Variants in HHAT observed in about 807,000 individuals in gnomAD.
HHAT encodes the protein hedgehog acyltransferase.
In HHAT, 47 loss-of-function variants were observed where a neutral mutation model predicts 70.8. The observed-to-expected ratio is 0.66, with a 90% CI of 0.53 to 0.85. The LOEUF (loss-of-function observed/expected upper bound fraction) is 0.85. Among genes scored for constraint, HHAT ranks in the 40% least tolerant of loss-of-function variants. HHAT has a pLI of 0.00. For missense variants in HHAT, 609 were observed against 604.8 expected (o/e 1.01, Z -0.07); for synonymous variants, 228 against 247.6 (o/e 0.92, Z 0.74).
chr1:210,338,633 A>G (rs189400707), intron 1 of HHAT, among the ~76,000 whole-genome samples: 3 of 152,294 alleles, frequency 2.0e-5, no homozygotes, highest in African/African-American at 7.2e-5. Flanking sequence ...ACTGTGTTTT[A>G]CAGATAAGGA....
At chr1:210,666,459 G>A (rs1185887703) in intron 11 of HHAT, among the ~76,000 whole-genome samples, 6 of 152,224 alleles carry the variant, frequency 3.9e-5, no homozygotes, top group African/African-American at 1.4e-4. Context: ...ATGAAGGACC[G>A]AAGGTCCATC....
chr1:210,661,450 G>A (rs955022942), intron 11 of HHAT, among the ~76,000 whole-genome samples: 1 of 152,198 alleles, frequency 6.6e-6, no homozygotes, highest in Non-Finnish European at 1.5e-5. Context: ...TACACTTTTG[G>A]TGGGAGTGTA....
At chr1:210,668,242 G>A (rs753371968) in intron 11 of HHAT, among the ~76,000 whole-genome samples, 24 of 152,052 alleles carry the variant, frequency 1.6e-4, no homozygotes, top group Admixed American at 7.2e-4. Context: ...TCCACCTTTT[G>A]GCCGTTGTGA....
At chr1:210,527,574 C>T (rs1309754565) in intron 9 of HHAT, among the ~76,000 whole-genome samples, 1 of 152,138 alleles carries the variant, frequency 6.6e-6, no homozygotes, top group Non-Finnish European at 1.5e-5. Context: ...TCTTAGCAGA[C>T]TGAGTGGCAA....
chr1:210,432,937 T>C (rs2093286346), intron 7 of HHAT, among the ~76,000 whole-genome samples: 1 of 151,776 alleles, frequency 6.6e-6, no homozygotes, highest in South Asian at 2.1e-4. Flanking sequence ...AATACAGAGA[T>C]ACTGTAATTT....
intron 9 of HHAT, among the ~76,000 whole-genome samples, chr1:210,536,392 G>T (rs919585650): frequency 6.6e-6 from 1 of 152,234 alleles, no homozygotes; most frequent in Non-Finnish European, 1.5e-5. Flanking sequence ...AATGCAGCCA[G>T]TTCCCTACAG....
chr1:210,464,543 A>C lies in HHAT; in HGVS notation c.895A>C (p.Lys299Gln), dbSNP rs144173927. ...AGCCCAGGTGCTCTTTTTCTACGTG[A>C]AGTACTTGGTGCTCTTTGGCGTGCC... is the stretch of plus-strand genomic sequence containing the variant. ...ALAQVLFFYV[K>Q]YLVLFGVPAL... Residue 299 changes from lysine to glutamine, a missense_variant, in exon 8 of 12, where the codon AAG (lysine) becomes CAG (glutamine). By Grantham distance (53) the Lys-to-Gln change is moderately conservative (BLOSUM62 1). Transcript: ENST00000261458. 7 of 1,613,936 alleles carry C rather than the reference A, an allele frequency of 4.3e-6. No homozygotes were observed. The highest frequency in any genetic ancestry group is 5.9e-6 in the Non-Finnish European group (7 of 1,180,006).
At chr1:210,640,028 G>A (rs1049091867) in intron 11 of HHAT, among the ~76,000 whole-genome samples, 1 of 152,174 alleles carries the variant, frequency 6.6e-6, no homozygotes, top group Non-Finnish European at 1.5e-5. Flanking sequence ...ATCTGTTAAT[G>A]CCAGCATTAG....
intron 9 of HHAT, among the ~76,000 whole-genome samples, chr1:210,566,002 G>A (rs1036199804): frequency 3.9e-5 from 6 of 152,210 alleles, no homozygotes; most frequent in East Asian, 1.9e-4. Flanking sequence ...TCTGGACCTC[G>A]TGCTGTCATC....
At chr1:210,405,716 C>CAT (rs1225216957) in intron 6 of HHAT, among the ~76,000 whole-genome samples, 1 of 152,134 alleles carries the variant, frequency 6.6e-6, no homozygotes, top group Non-Finnish European at 1.5e-5. Flanking sequence ...ATAACAATAA[C>CAT]ATAATGTTCT....
At chr1:210,414,329 T>G (rs1470931789) in intron 6 of HHAT, among the ~76,000 whole-genome samples, 6 of 152,206 alleles carry the variant, frequency 3.9e-5, no homozygotes, top group Non-Finnish European at 8.8e-5. Context: ...GATTTCAACA[T>G]ATGAATTTTA....
chr1:210,335,464 A>G (rs1213255777), intron 1 of HHAT, among the ~76,000 whole-genome samples: 6 of 152,336 alleles, frequency 3.9e-5, no homozygotes, highest in Middle Eastern at 3.4e-3. Context: ...AAAATAGGTG[A>G]TAAGCAGATT....
At chr1:210,327,794 C>T (rs1031442948), upstream of HHAT, among the ~76,000 whole-genome samples, 2 of 152,136 alleles carry the variant, frequency 1.3e-5, no homozygotes, top group Non-Finnish European at 2.9e-5. Flanking sequence ...CGTGGGCCAC[C>T]GCGCCCAGCC....
intron 7 of HHAT, among the ~76,000 whole-genome samples, chr1:210,444,714 A>G (rs944754859): frequency 3.3e-5 from 5 of 152,082 alleles, no homozygotes; most frequent in South Asian, 2.1e-4. Flanking sequence ...GGGTGTCACT[A>G]TTTTGCCCAG....
chr1:210,563,446 A>G (rs1283549848), intron 9 of HHAT, among the ~76,000 whole-genome samples: 1 of 152,124 alleles, frequency 6.6e-6, no homozygotes, highest in African/African-American at 2.4e-5. Flanking sequence ...AAGGCAGTTT[A>G]TGGGATAGTG....
At chr1:210,464,453 G>C in intron 7 of HHAT, 52 bp from the exon 8 acceptor site, 2 of 1,606,660 alleles carry the variant, frequency 1.2e-6, no homozygotes, top group Non-Finnish European at 1.7e-6. Context: ...TCTCCTCCAG[G>C]AAACTGCTGT....
intron 8 of HHAT, among the ~76,000 whole-genome samples, chr1:210,496,604 G>T (rs1210496621): frequency 6.6e-6 from 1 of 152,122 alleles, no homozygotes; most frequent in Non-Finnish European, 1.5e-5. Flanking sequence ...TTTAAATGTG[G>T]GTCATGTGAG....
intron 8 of HHAT, among the ~76,000 whole-genome samples, chr1:210,511,227 C>A (rs527486748): frequency 6.6e-6 from 1 of 152,274 alleles, no homozygotes; most frequent in South Asian, 2.1e-4. Flanking sequence ...ACAGGTAGAT[C>A]TCTCCTTAGA....
chr1:210,413,780 C>G (rs2092636209), intron 6 of HHAT, among the ~76,000 whole-genome samples: 1 of 152,206 alleles, frequency 6.6e-6, no homozygotes, highest in Admixed American at 6.5e-5. Context: ...TTCACTACTG[C>G]TCAGCTATTC....
Sources: gnomAD v4.1 joint callset for allele counts (sites outside exome capture counted in the v4.1 genomes callset) on GRCh38, gnomAD v4.1.1 for gene constraint, MANE v1.5 for transcripts, NCBI Gene and HGNC (gene_info 2026-07-23, HGNC 2026-07-21) for gene names.